The following PMM2 variants were observed in gnomAD, a reference collection of about 807,000 sequenced individuals.
PMM2 encodes the protein phosphomannomutase 2.
In PMM2, 35 loss-of-function variants were observed where a neutral mutation model predicts 33.2. The observed-to-expected ratio is 1.06, with a 90% CI of 0.81 to 1.40. The LOEUF (loss-of-function observed/expected upper bound fraction) is 1.40, where lower values mean the gene tolerates loss of function less well. Among genes scored for constraint, PMM2 ranks in the 40% most tolerant of loss-of-function variants. The pLI is 0.00. For synonymous variants in PMM2, 153 were observed against 114.7 expected (o/e 1.33, Z -2.13); for missense variants, 386 against 306.0 (o/e 1.26, Z -1.95).
chr16:8,829,863 AAG>A (rs1251534087), intron 7 of PMM2, among the ~76,000 whole-genome samples: 9 of 152,208 alleles, frequency 5.9e-5, no homozygotes, highest in Admixed American at 5.9e-4. Flanking sequence ...ACCTTCCAGA[AAG>A]AGTTTCCAGA....
At chr16:8,822,802 C>T (rs2141030653) in intron 7 of PMM2, among the ~76,000 whole-genome samples, 1 of 152,310 alleles carries the variant, frequency 6.6e-6, no homozygotes, top group East Asian at 1.9e-4. Flanking sequence ...TGCTTCTACT[C>T]AGGGGTTCCT....
chr16:8,806,790 A>T (rs1047418253), intron 4 of PMM2: 7 of 270,406 alleles, frequency 2.6e-5, no homozygotes, highest in Non-Finnish European at 5.0e-5. Flanking sequence ...ATTGAAGACC[A>T]TATGCTTTCA....
chr16:8,825,048 T>G (rs1172383966), intron 7 of PMM2, among the ~76,000 whole-genome samples: 2 of 152,256 alleles, frequency 1.3e-5, no homozygotes, highest in Admixed American at 1.3e-4. Flanking sequence ...TGTTGTTGTT[T>G]GAGGTGGAGT....
chr16:8,833,122 G>A (rs967637434), intron 7 of PMM2, among the ~76,000 whole-genome samples: 33 of 152,178 alleles, frequency 2.2e-4, no homozygotes, highest in Non-Finnish European at 2.8e-4. Flanking sequence ...GGGTGCAGGC[G>A]GGCTGAGTCC....
intron 7 of PMM2, among the ~76,000 whole-genome samples, chr16:8,822,229 G>A (rs1005140332): frequency 2.0e-5 from 3 of 152,174 alleles, no homozygotes; most frequent in Admixed American, 6.5e-5. Flanking sequence ...TCTGTTCCTG[G>A]TGGGATCAAA....
intron 7 of PMM2, among the ~76,000 whole-genome samples, chr16:8,844,380 G>A (rs1255030952): frequency 6.6e-6 from 1 of 152,098 alleles, no homozygotes; most frequent in African/African-American, 2.4e-5. Flanking sequence ...AAAGGGGTTG[G>A]GGCATGGAAA....
At chr16:8,805,374 TC>T (rs2060641399) in intron 3 of PMM2, among the ~76,000 whole-genome samples, 1 of 152,012 alleles carries the variant, frequency 6.6e-6, no homozygotes, top group African/African-American at 2.4e-5. Flanking sequence ...AGCCTTTTCT[TC>T]TTGTTTTAAA....
At chr16:8,799,385 ACCT>A (rs759297281) in intron 1 of PMM2, among the ~76,000 whole-genome samples, 26 of 152,114 alleles carry the variant, frequency 1.7e-4, no homozygotes, top group African/African-American at 5.8e-4. Flanking sequence ...TGAAGAACTA[ACCT>A]CCTCAGTTTC....
chr16:8,827,721 T>TATATAC (rs1220382826), intron 7 of PMM2, among the ~76,000 whole-genome samples: 1 of 7,218 alleles, frequency 1.4e-4, no homozygotes, highest in Admixed American at 1.2e-3. Flanking sequence ...AATGTGTGCA[T>TATATAC]ATATATATAT....
At chr16:8,839,234 C>G (rs371956613) in intron 7 of PMM2, among the ~76,000 whole-genome samples, 2 of 151,944 alleles carry the variant, frequency 1.3e-5, no homozygotes, top group African/African-American at 4.8e-5. Context: ...GTAAGGAAGA[C>G]TAGTGTGCAT....
intron 7 of PMM2, among the ~76,000 whole-genome samples, chr16:8,822,462 C>T (rs190994849): frequency 6.6e-6 from 1 of 152,114 alleles, no homozygotes; most frequent in Non-Finnish European, 1.5e-5. Flanking sequence ...GGGCTGTTAC[C>T]GGCATTGTTT....
At chr16:8,846,667 C>G (rs1342337792) in intron 7 of PMM2, among the ~76,000 whole-genome samples, 1 of 152,050 alleles carries the variant, frequency 6.6e-6, no homozygotes, top group East Asian at 1.9e-4. Context: ...GTCATCTTAC[C>G]AAGGTGTGAC....
At chr16:8,809,235 G>A (rs2060664061) in intron 4 of PMM2, 1 of 152,200 alleles carries the variant, frequency 6.6e-6, no homozygotes, top group Non-Finnish European at 1.5e-5. Context: ...GCCAGTGCCA[G>A]GACATCAGGT....
At chr16:8,833,700 G>T (rs2872181) in intron 7 of PMM2, among the ~76,000 whole-genome samples, 1 of 151,340 alleles carries the variant, frequency 6.6e-6, no homozygotes, top group Non-Finnish European at 1.5e-5. Context: ...CGTATAGAAT[G>T]ATTGGTGATG....
At chr16:8,839,615 G>GT (rs1198893970) in intron 7 of PMM2, among the ~76,000 whole-genome samples, 1 of 152,020 alleles carries the variant, frequency 6.6e-6, no homozygotes, top group Non-Finnish European at 1.5e-5. Flanking sequence ...TACAGGGCAA[G>GT]TGTCTTCCTA....
Position 8,847,556 on chromosome 16 carries a change from C to G in PMM2, c.640-168C>G, listed in dbSNP as rs961165776. Reference sequence around the variant, plus strand: ...AAGGTTATAAATCTCTTCTTAATAACAATTGTACTCACGTTCCTCTCCTGG... The same window carrying G: ...AAGGTTATAAATCTCTTCTTAATAAGAATTGTACTCACGTTCCTCTCCTGG... On this transcript the variant is annotated intron_variant, in intron 7 of 7. Coordinates refer to ENST00000268261, the MANE Select transcript of PMM2 (RefSeq NM_000303.3). The G allele has an allele frequency of 1.2e-5, 8 of 641,160 alleles. No individual in the cohort carries two copies. The African/African-American group carries it at 1.4e-4, about 12-fold the overall frequency. The allele number at this position is 641,160 out of a possible 1,614,324, so 39.7% of individuals were successfully genotyped here. A position where few individuals can be genotyped will look rare whatever the true frequency, so the allele number is the denominator to read the frequency against.
intron 7 of PMM2, among the ~76,000 whole-genome samples, chr16:8,839,580 G>C (rs1394913829): frequency 1.3e-5 from 2 of 152,076 alleles, no homozygotes. Context: ...TGAGCAAGGG[G>C]AAAGTAGCCA....
chr16:8,805,375 CTTG>C (rs796629725), intron 3 of PMM2, among the ~76,000 whole-genome samples: 43 of 152,026 alleles, frequency 2.8e-4, no homozygotes, highest in African/African-American at 9.9e-4. Context: ...GCCTTTTCTT[CTTG>C]TTTTAAAAAG....
chr16:8,847,581 G>T, intron 7 of PMM2, 143 bp from the exon 8 acceptor site: 1 of 698,230 alleles, frequency 1.4e-6, no homozygotes, highest in Non-Finnish European at 2.6e-6. Flanking sequence ...TCCTCTCCTG[G>T]AAACTAAGAG....
Sources: gnomAD v4.1 joint callset for allele counts (sites outside exome capture counted in the v4.1 genomes callset) on GRCh38, gnomAD v4.1.1 for gene constraint, MANE v1.5 for transcripts, NCBI Gene and HGNC (gene_info 2026-07-23, HGNC 2026-07-21) for gene names.